Variants in USH2A observed in about 807,000 individuals in gnomAD.
USH2A encodes the protein usherin, also known as Usher syndrome 2A (autosomal recessive, mild).
Under a neutral mutation model 538.9 loss-of-function variants are expected in USH2A, and 443 were observed. The ratio of observed to expected loss-of-function variants is 0.82; its 90% CI spans 0.76 to 0.89. The LOEUF (loss-of-function observed/expected upper bound fraction) is 0.89, where lower values mean the gene tolerates loss of function less well. Ranked by LOEUF, USH2A falls within the 40% of genes least tolerant of loss-of-function variation. The pLI, the probability that USH2A is intolerant of heterozygous loss-of-function variation, is 0.00. For missense variants in USH2A, 6,633 were observed against 6,324.8 expected, an observed-to-expected ratio of 1.05 and a Z score of -1.65; for synonymous variants, 2,413 against 2,273.5, an observed-to-expected ratio of 1.06 and a Z score of -1.75.
At chr1:215,832,605 A>G (rs1266330218) in intron 47 of USH2A, among the ~76,000 whole-genome samples, 1 of 152,000 alleles carries the variant, frequency 6.6e-6, no homozygotes, top group African/African-American at 2.4e-5. Context: ...AAGTTCTTCA[A>G]CGTGATAAAA....
chr1:216,262,592 C>T (rs2036396226), intron 11 of USH2A, among the ~76,000 whole-genome samples: 1 of 151,902 alleles, frequency 6.6e-6, no homozygotes, highest in Non-Finnish European at 1.5e-5. Flanking sequence ...CACCATTAAG[C>T]AAACAGCTAT....
intron 38 of USH2A, chr1:215,901,122 G>C (rs1015828578): frequency 3.4e-6 from 2 of 596,924 alleles, no homozygotes; most frequent in African/African-American, 1.9e-5. Context: ...TTAAAAGCCG[G>C]CCCCCAAACA....
chr1:215,646,083 A>G (rs755634673), intron 67 of USH2A, among the ~76,000 whole-genome samples: 1 of 152,246 alleles, frequency 6.6e-6, no homozygotes, highest in Non-Finnish European at 1.5e-5. Context: ...TATTTCAGCC[A>G]TATAGTAAAA....
chr1:216,012,652 G>A (rs4655293), intron 32 of USH2A, among the ~76,000 whole-genome samples: 69,183 of 151,764 alleles, frequency 0.46, 16,356 homozygotes, highest in East Asian at 0.7. Context: ...ACGGTCCTCC[G>A]TCTTCAGGAA....
chr1:215,952,527 C>T (rs150548166), intron 37 of USH2A, among the ~76,000 whole-genome samples: 4,873 of 152,216 alleles, frequency 0.032, 123 homozygotes, highest in South Asian at 0.084. Flanking sequence ...CTGGTTGTTC[C>T]TTTCCATGTT....
At chr1:215,989,564 A>T (rs1489578501) in intron 35 of USH2A, among the ~76,000 whole-genome samples, 2 of 152,006 alleles carry the variant, frequency 1.3e-5, no homozygotes, top group Non-Finnish European at 2.9e-5. Flanking sequence ...ACAAATGCAA[A>T]TTTTTTGCAT....
At chr1:215,850,405 A>G (rs1663984841) in intron 44 of USH2A, among the ~76,000 whole-genome samples, 1 of 152,150 alleles carries the variant, frequency 6.6e-6, no homozygotes, top group African/African-American at 2.4e-5. Flanking sequence ...TTGTCAAATC[A>G]TTGAACTACA....
At position 215,798,905 on chromosome 1, in the gene USH2A, AC is replaced by A; in HGVS notation, c.9958+1del. ...ACTGAAAGGTAGACCTGGGCCCCTT[AC>A]CTGGAAGGCGATTGTACACCACTCC... On this transcript the variant is annotated splice_donor_variant, in intron 50 of 71. Coordinates refer to ENST00000307340, the MANE Select transcript of USH2A (RefSeq NM_206933.4). LOFTEE classifies it high-confidence loss of function. 1 of 1,614,034 alleles carries A rather than the reference AC, an allele frequency of 6.2e-7. No homozygotes were observed.
At chr1:216,287,963 C>T (rs1037937725) in intron 11 of USH2A, among the ~76,000 whole-genome samples, 3 of 151,946 alleles carry the variant, frequency 2.0e-5, no homozygotes, top group African/African-American at 4.8e-5. Context: ...TTTATATGAT[C>T]GAAACTGTTC....
At chr1:215,763,799 T>C (rs550890010) in intron 56 of USH2A, among the ~76,000 whole-genome samples, 28 of 152,244 alleles carry the variant, frequency 1.8e-4, no homozygotes, top group Admixed American at 5.9e-4. Context: ...AGAACTTCTC[T>C]TCTTATAGCT....
At chr1:216,402,264 A>G (rs971985414) in intron 3 of USH2A, among the ~76,000 whole-genome samples, 2 of 152,150 alleles carry the variant, frequency 1.3e-5, no homozygotes, top group African/African-American at 2.4e-5. Context: ...TATAATATTT[A>G]AAATCTCCAA....
intron 37 of USH2A, among the ~76,000 whole-genome samples, chr1:215,938,855 A>T (rs1235839720): frequency 6.6e-6 from 1 of 152,140 alleles, no homozygotes; most frequent in African/African-American, 2.4e-5. Flanking sequence ...CACAACCTAC[A>T]TCAAAATCAC....
intron 38 of USH2A, among the ~76,000 whole-genome samples, chr1:215,911,370 C>G (rs747725560): frequency 6.6e-6 from 1 of 151,942 alleles, no homozygotes; most frequent in Non-Finnish European, 1.5e-5. Flanking sequence ...TCTTCCCAGC[C>G]TCTGGTAACC....
chr1:216,336,146 GAAAAATAAAGGAC>G (rs2037970277), intron 4 of USH2A, among the ~76,000 whole-genome samples: 1 of 151,154 alleles, frequency 6.6e-6, no homozygotes, highest in Admixed American at 6.6e-5. Flanking sequence ...CACAAACTTG[GAAAAATAAAGGAC>G]AAAAACGTCA....
chr1:216,009,006 C>G (rs753186605), intron 32 of USH2A, among the ~76,000 whole-genome samples: 1 of 152,026 alleles, frequency 6.6e-6, no homozygotes, highest in Non-Finnish European at 1.5e-5. Flanking sequence ...GCAAGTCCCA[C>G]TTTTCTGGGG....
At chr1:216,060,535 A>C (rs1037231322) in intron 30 of USH2A, among the ~76,000 whole-genome samples, 5 of 152,224 alleles carry the variant, frequency 3.3e-5, no homozygotes, top group Non-Finnish European at 5.9e-5. Flanking sequence ...CTGGAAGATT[A>C]TTCTTATCAT....
rs545997103 is a variant in USH2A, at chr1:216,409,379, AC to A, written c.651+9134del. On this transcript the variant is annotated intron_variant, in intron 3 of 71. Coordinates refer to ENST00000307340, the MANE Select transcript of USH2A (RefSeq NM_206933.4). The stretch of plus-strand genomic sequence containing the variant: ...ACATTCTTGGAATAACTAGAAAAAA[AC>A]TTTTTAAATTCATATAAAACCAAAA... Among the ~76,000 whole-genome samples the A allele has an allele frequency of 4.8e-3, 726 of 152,222 alleles. 7 individuals are homozygous for A. The highest frequency in any genetic ancestry group is 0.017 in the African/African-American group (689 of 41,532).
chr1:216,219,838 T>A (rs540211678), intron 14 of USH2A, among the ~76,000 whole-genome samples: 2 of 152,304 alleles, frequency 1.3e-5, no homozygotes, highest in South Asian at 4.1e-4. Context: ...CAATTTGTGA[T>A]GTTTATTGAC....
intron 30 of USH2A, among the ~76,000 whole-genome samples, chr1:216,050,246 CA>C (rs904322249): frequency 1.7e-4 from 26 of 152,166 alleles, no homozygotes; most frequent in East Asian, 5.8e-4. Context: ...CTCCAAATGC[CA>C]AATCTGCTGC....
Sources: gnomAD v4.1 joint callset for allele counts (sites outside exome capture counted in the v4.1 genomes callset) on GRCh38, gnomAD v4.1.1 for gene constraint, MANE v1.5 for transcripts, NCBI Gene and HGNC (gene_info 2026-07-23, HGNC 2026-07-21) for gene names.